ROBO1: variants seen among roughly 807,000 people sequenced by gnomAD.
ROBO1 encodes the protein roundabout homolog 1.
In ROBO1, 149 loss-of-function variants were observed where a neutral mutation model predicts 195.9. That is an observed-to-expected ratio of 0.76 (90% CI 0.67 to 0.87). The LOEUF is 0.87. ROBO1 is among the 40% of genes least tolerant of loss of function. ROBO1 has a pLI of 0.00. For synonymous variants in ROBO1, 816 were observed against 733.2 expected (o/e 1.11, Z -1.82); for missense variants, 1,933 against 2,068.3 (o/e 0.93, Z 1.27).
At chr3:78,966,275 T>C (rs1250384085) in intron 3 of ROBO1, among the ~76,000 whole-genome samples, 2 of 152,240 alleles carry the variant, frequency 1.3e-5, no homozygotes, top group Non-Finnish European at 2.9e-5. Context: ...ACCTCTGTGT[T>C]AGACAACATT....
chr3:78,662,243 G>GT, intron 14 of ROBO1, 129 bp from the exon 15 acceptor site: 24 of 555,528 alleles, frequency 4.3e-5, no homozygotes, highest in East Asian at 1.7e-4. Flanking sequence ...GCTGTGATTC[G>GT]GAAAAAAAAA....
At chr3:79,632,308 A>G (rs1945369158) in intron 1 of ROBO1, among the ~76,000 whole-genome samples, 1 of 152,180 alleles carries the variant, frequency 6.6e-6, no homozygotes, top group South Asian at 2.1e-4. Context: ...CACAAAAAGA[A>G]TGAAATCATG....
At chr3:79,377,182 T>TA (rs2036414821) in intron 2 of ROBO1, among the ~76,000 whole-genome samples, 1 of 151,916 alleles carries the variant, frequency 6.6e-6, no homozygotes, top group Non-Finnish European at 1.5e-5. Flanking sequence ...CCTAATTTAT[T>TA]AAAAAAGAAA....
chr3:79,168,271 T>G (rs1373854675), intron 2 of ROBO1, among the ~76,000 whole-genome samples: 1 of 152,182 alleles, frequency 6.6e-6, no homozygotes, highest in South Asian at 2.1e-4. Context: ...AAAGAAATAC[T>G]TTGATGCTGA....
chr3:78,988,596 G>A (rs1366858983), intron 3 of ROBO1, among the ~76,000 whole-genome samples: 1 of 152,132 alleles, frequency 6.6e-6, no homozygotes, highest in Non-Finnish European at 1.5e-5. Flanking sequence ...ATTTACACAA[G>A]TTAGATTTTA....
intron 3 of ROBO1, among the ~76,000 whole-genome samples, chr3:78,986,324 T>TTAC (rs1268535908): frequency 2.0e-5 from 3 of 152,156 alleles, no homozygotes; most frequent in African/African-American, 7.2e-5. Flanking sequence ...TCACTAGCAA[T>TTAC]TACTATCAGC....
At chr3:79,571,815 A>G (rs1943287486) in intron 2 of ROBO1, among the ~76,000 whole-genome samples, 1 of 152,128 alleles carries the variant, frequency 6.6e-6, no homozygotes, top group Non-Finnish European at 1.5e-5. Context: ...ACTTCTGGCA[A>G]CAGCACTATA....
chr3:79,343,276 G>A (rs1162256413), intron 2 of ROBO1, among the ~76,000 whole-genome samples: 1 of 151,938 alleles, frequency 6.6e-6, no homozygotes, highest in Admixed American at 6.6e-5. Context: ...AGCTTGCTTC[G>A]AAGTTTGGCA....
intron 4 of ROBO1, among the ~76,000 whole-genome samples, chr3:78,751,950 C>T (rs1218748682): frequency 6.6e-6 from 1 of 151,734 alleles, no homozygotes; most frequent in Non-Finnish European, 1.5e-5. Flanking sequence ...TTTTCTACTT[C>T]CATTGATAAA....
intron 2 of ROBO1, among the ~76,000 whole-genome samples, chr3:79,270,012 C>CTGA (rs2030375639): frequency 6.6e-6 from 1 of 151,686 alleles, no homozygotes. Flanking sequence ...GTTGAAGAAA[C>CTGA]AAATTAATCA....
At chr3:78,923,705 C>G (rs1297687586) in intron 4 of ROBO1, among the ~76,000 whole-genome samples, 2 of 152,120 alleles carry the variant, frequency 1.3e-5, no homozygotes, top group Non-Finnish European at 2.9e-5. Flanking sequence ...CCCGAGAAAT[C>G]TGTCCCCATA....
At chr3:79,394,425 T>C (rs1486895684) in intron 2 of ROBO1, among the ~76,000 whole-genome samples, 2 of 151,986 alleles carry the variant, frequency 1.3e-5, no homozygotes, top group Non-Finnish European at 2.9e-5. Flanking sequence ...AAAAATCAAA[T>C]AGAATAATGT....
At chr3:79,642,079 A>G (rs1429127778) in intron 1 of ROBO1, among the ~76,000 whole-genome samples, 2 of 152,200 alleles carry the variant, frequency 1.3e-5, no homozygotes, top group Non-Finnish European at 2.9e-5. Context: ...AGAAATTGAA[A>G]TAATAATAAA....
chr3:79,260,535 G>C (rs2082920439), intron 2 of ROBO1, among the ~76,000 whole-genome samples: 2 of 152,194 alleles, frequency 1.3e-5, no homozygotes, highest in South Asian at 4.1e-4. Context: ...TATAAAGAAT[G>C]TTCTTCTCAC....
intron 1 of ROBO1, among the ~76,000 whole-genome samples, chr3:79,709,208 C>A (rs1702178853): frequency 6.6e-6 from 1 of 152,078 alleles, no homozygotes; most frequent in African/African-American, 2.4e-5. Context: ...CAATATGTAT[C>A]CTACATAATC....
At chr3:78,780,339 A>G (rs1305213922) in intron 4 of ROBO1, among the ~76,000 whole-genome samples, 2 of 152,176 alleles carry the variant, frequency 1.3e-5, no homozygotes, top group East Asian at 1.9e-4. Flanking sequence ...ATAAGACGCA[A>G]TTTCCAAAAT....
intron 3 of ROBO1, among the ~76,000 whole-genome samples, chr3:78,987,007 C>T (rs934757811): frequency 6.6e-5 from 10 of 151,900 alleles, no homozygotes. Context: ...TATTTACAAA[C>T]TTTTCACTAG....
At chr3:79,264,647 A>G (rs939069830) in intron 2 of ROBO1, among the ~76,000 whole-genome samples, 1 of 151,916 alleles carries the variant, frequency 6.6e-6, no homozygotes, top group Non-Finnish European at 1.5e-5. Flanking sequence ...TATGTTCCTC[A>G]CCTCAGGAAT....
chr3:78,703,560 T>A (rs906962433), intron 8 of ROBO1, among the ~76,000 whole-genome samples: 1 of 152,076 alleles, frequency 6.6e-6, no homozygotes, highest in Non-Finnish European at 1.5e-5. Context: ...GAAAATTTTT[T>A]AATCCTTATT....
Sources: gnomAD v4.1 joint callset for allele counts (sites outside exome capture counted in the v4.1 genomes callset) on GRCh38, gnomAD v4.1.1 for gene constraint, MANE v1.5 for transcripts, NCBI Gene and HGNC (gene_info 2026-07-23, HGNC 2026-07-21) for gene names.